Variants in MOV10L1 observed in about 807,000 individuals in gnomAD.
MOV10L1 encodes Mov10 like RNA helicase 1.
In MOV10L1, 110 loss-of-function variants were observed where a neutral mutation model predicts 143.8. That is an observed-to-expected ratio of 0.76 (90% CI 0.66 to 0.90). MOV10L1 has a LOEUF of 0.90. Ranked by LOEUF, MOV10L1 falls within the 40% of genes least tolerant of loss-of-function variation. MOV10L1 has a pLI of 0.00. For synonymous variants in MOV10L1, 593 were observed against 581.1 expected, an observed-to-expected ratio of 1.02 and a Z score of -0.29; for missense variants, 1,406 against 1,526.8, an observed-to-expected ratio of 0.92 and a Z score of 1.32.
rs139006116 is a variant in MOV10L1, at chr22:50,126,154, T to A, written c.1748-48T>A. 1.2e-4 allele frequency: 156 copies of A among 1,345,864 alleles called. No homozygotes were observed. In the African/African-American group the frequency reaches 1.9e-3, roughly 17 times the overall value. 83.4% of individuals were successfully genotyped at this position (1,345,864 alleles called of 1,614,324 possible). A position where few individuals can be genotyped will look rare whatever the true frequency, so the allele number is the denominator to read the frequency against. ...GGATTTTATAGGACAGCACAGAAAT[T>A]TGTGATTTTGTGTTAGCTTTAAACA... On this transcript the variant is annotated intron_variant, in intron 11 of 26. Transcript: ENST00000262794.
intron 3 of MOV10L1, among the ~76,000 whole-genome samples, chr22:50,102,211 A>G (rs1450484221): frequency 6.6e-6 from 1 of 152,178 alleles, no homozygotes; most frequent in Non-Finnish European, 1.5e-5. Context: ...CACAAAACCT[A>G]AGGACCACAG....
At chr22:50,139,884 G>A (rs772074759) in intron 15 of MOV10L1, among the ~76,000 whole-genome samples, 2 of 152,176 alleles carry the variant, frequency 1.3e-5, no homozygotes, top group Admixed American at 6.5e-5. Flanking sequence ...CCGTGGGGCC[G>A]CTGGCACGTA....
In MOV10L1 at chr22:50,159,458, CG is replaced by C. The variant is rs1459963325; in HGVS notation, c.3217-217del. Among the ~76,000 whole-genome samples, 1 of 151,874 alleles carries C rather than the reference CG, an allele frequency of 6.6e-6. No individual in the cohort carries two copies. Among genetic ancestry groups the C allele is most frequent in the Non-Finnish European group, 1.5e-5 (1 of 67,966 alleles). ...CTACTAAAAAATACAAAAAATTACC[CG>C]GGTGTGGTGGCATGCACCCATAATC... On this transcript the variant is annotated intron_variant, in intron 23 of 26. Transcript: ENST00000262794. This position sits in a 1 kb window ranked among gnomAD's most constrained non-coding sequence, Gnocchi z 4.1.
At chr22:50,151,034 G>A in intron 21 of MOV10L1, 135 bp downstream of exon 21, 1 of 1,096,202 alleles carries the variant, frequency 9.1e-7, no homozygotes. Context: ...ACCCACCATA[G>A]CACCTCCCCC....
chr22:50,148,299 G>A (rs548684658), intron 19 of MOV10L1, among the ~76,000 whole-genome samples: 53 of 152,364 alleles, frequency 3.5e-4, no homozygotes, highest in East Asian at 5.8e-4. Flanking sequence ...TGGGGTGGGC[G>A]AGCCAGGGAA....
At chr22:50,160,890 T>C in intron 25 of MOV10L1, 65 bp downstream of exon 25, 1 of 1,613,164 alleles carries the variant, frequency 6.2e-7, no homozygotes, top group Non-Finnish European at 8.5e-7. Flanking sequence ...TCACTCGGGG[T>C]GAGACGTACG....
chr22:50,135,188 A>G (rs2062789539), intron 15 of MOV10L1, among the ~76,000 whole-genome samples: 4 of 151,712 alleles, frequency 2.6e-5, no homozygotes, highest in African/African-American at 9.7e-5. Flanking sequence ...TAATTTTTGT[A>G]TTTTTAGTAG....
intron 20 of MOV10L1, 90 bp from the exon 21 acceptor site, chr22:50,150,645 A>G (rs775210876): frequency 1.4e-6 from 2 of 1,411,186 alleles, no homozygotes; most frequent in East Asian, 2.5e-5. Context: ...GCATGGGGCC[A>G]TCCTGCGCAC....
At chr22:50,104,108 C>T (rs951785469) in intron 3 of MOV10L1, among the ~76,000 whole-genome samples, 4 of 152,082 alleles carry the variant, frequency 2.6e-5, no homozygotes, top group Non-Finnish European at 5.9e-5. Flanking sequence ...CTAGATCCCT[C>T]GCATGCACGG....
intron 20 of MOV10L1, 68 bp downstream of exon 20, chr22:50,149,782 A>T (rs1424802522): frequency 7.0e-7 from 1 of 1,429,288 alleles, no homozygotes; most frequent in Non-Finnish European, 9.6e-7. Flanking sequence ...GCAGGCTGCG[A>T]TCCTGCCGGG....
chr22:50,126,472 C>T (rs2062509618), intron 12 of MOV10L1, among the ~76,000 whole-genome samples, 200 bp downstream of exon 12: 1 of 152,182 alleles, frequency 6.6e-6, no homozygotes, highest in Non-Finnish European at 1.5e-5. Flanking sequence ...CCATGTAAAA[C>T]ATATTTATCT....
chr22:50,131,766 T>G (rs2062685663), intron 13 of MOV10L1, among the ~76,000 whole-genome samples: 1 of 152,176 alleles, frequency 6.6e-6, no homozygotes, highest in African/African-American at 2.4e-5. Context: ...TTTGTTGATC[T>G]GTTTCTGAAG....
rs969763174 is a variant in MOV10L1 at position 50,120,329 on chromosome 22, C to G, written c.1455-173C>G. ...ACTGTTTGAGGAAAGGATCCCAGAG[C>G]TAAAACGAAAGCTTCAAACCACTGC... On this transcript the variant is annotated intron_variant, in intron 9 of 26. Transcript: ENST00000262794. Among the ~76,000 whole-genome samples, 11 of 152,282 alleles carry G rather than the reference C, an allele frequency of 7.2e-5. No homozygotes were observed. In the South Asian group the frequency reaches 1.7e-3, roughly 23 times the overall value.
chr22:50,103,159 G>A (rs375503061), intron 3 of MOV10L1, among the ~76,000 whole-genome samples: 13 of 152,350 alleles, frequency 8.5e-5, no homozygotes, highest in South Asian at 6.2e-4. Context: ...AGGGGAACAC[G>A]TGGTTGTAGC....
intron 11 of MOV10L1, among the ~76,000 whole-genome samples, 174 bp downstream of exon 11, chr22:50,125,743 A>G (rs1602239884): frequency 6.6e-6 from 1 of 152,044 alleles, no homozygotes; most frequent in African/African-American, 2.4e-5. Flanking sequence ...TCTTTGTTGT[A>G]TTTCATTAGT....
chr22:50,142,678 AT>A (rs1411780408), intron 16 of MOV10L1, among the ~76,000 whole-genome samples: 1 of 151,696 alleles, frequency 6.6e-6, no homozygotes, highest in Non-Finnish European at 1.5e-5. Context: ...AAAAAAAAAA[AT>A]ACAAAAATTA....
In MOV10L1 at chr22:50,125,527, G is replaced by A; in HGVS notation, c.1705G>A (p.Glu569Lys). ...AAGGAATGGGGATCTGCTGGTTCTG[G>A]AGGTCCCAGGGTTGGCCGAAGGGAG... ...LRRNGDLLVLEVPGLAEGRPS... is the reference protein window; with the variant it reads ...LRRNGDLLVLKVPGLAEGRPS... Residue 569 changes from glutamate (E) to lysine (K), a missense_variant, in exon 11 of 27, where the codon GAG becomes AAG. By Grantham distance (56) the Glu-to-Lys change is moderately conservative (BLOSUM62 1). This residue lies in a region of MOV10L1 where 1,233 missense variants were observed against 1,351.4 expected (regional missense o/e 0.91). Coordinates refer to ENST00000262794, the MANE Select transcript of MOV10L1 (RefSeq NM_018995.3). 6.2e-7 allele frequency: 1 copy of A among 1,614,214 alleles called. No individual in the cohort carries two copies. Among genetic ancestry groups the A allele is most frequent in the South Asian group, 1.1e-5 (1 of 91,086 alleles).
chr22:50,136,639 C>T (rs1343252509), intron 15 of MOV10L1, among the ~76,000 whole-genome samples: 1 of 152,102 alleles, frequency 6.6e-6, no homozygotes, highest in Non-Finnish European at 1.5e-5. Context: ...GTGCAGTGAC[C>T]TGAGTACAGA....
At chr22:50,104,508 G>C (rs1332243665) in intron 3 of MOV10L1, among the ~76,000 whole-genome samples, 1 of 152,200 alleles carries the variant, frequency 6.6e-6, no homozygotes, top group Admixed American at 6.5e-5. Flanking sequence ...TGACCATGTG[G>C]TTTAGCCTCC....
Sources: allele counts gnomAD v4.1 joint callset (sites outside exome capture counted in the v4.1 genomes callset), GRCh38; gene constraint gnomAD v4.1.1; regional missense constraint gnomAD v4.1.1; non-coding constraint Gnocchi (gnomAD v3.1); transcripts MANE v1.5; gene names NCBI Gene and HGNC (gene_info 2026-07-23, HGNC 2026-07-21).